KIRREL3: variants seen among roughly 807,000 people sequenced by gnomAD.
KIRREL3 encodes kin of IRRE-like protein 3.
In KIRREL3, 36 loss-of-function variants were observed where a neutral mutation model predicts 89.7. That is an observed-to-expected ratio of 0.40 (90% confidence interval 0.31 to 0.53). The LOEUF is 0.53. Ranked by LOEUF, KIRREL3 falls within the 20% of genes least tolerant of loss-of-function variation. The pLI is 0.49. For synonymous variants in KIRREL3, 445 were observed against 441.4 expected (o/e 1.01, Z -0.10); for missense variants, 864 against 1,056.6 (o/e 0.82, Z 2.53).
chr11:126,892,248 G>A lies in KIRREL3; in HGVS notation c.55+108207C>T, dbSNP rs1945952654. On this transcript the variant is annotated intron_variant, in intron 1 of 16. Transcript: ENST00000525144. This position sits in a 1 kb window ranked among gnomAD's most constrained non-coding sequence, Gnocchi z 5.4. ...CCATGCCTGAGGGTGGTCCCTGCCT[G>A]CTCTGTTTTCTTCATCCCCTTCGTA... Among the ~76,000 whole-genome samples, 1 of 152,168 alleles carries A rather than the reference G, an allele frequency of 6.6e-6. No homozygotes were observed. The highest frequency in any genetic ancestry group is 6.5e-5 in the Admixed American group (1 of 15,288).
rs573994325 is a variant in KIRREL3 at position 126,739,466 on chromosome 11, T to C, written c.56-176554A>G. 5.3e-5 allele frequency among the ~76,000 whole-genome samples: 8 copies of C among 152,358 alleles called. No individual in the cohort carries two copies. The South Asian group carries it at 1.2e-3, about 24-fold the overall frequency. On this transcript the variant is annotated intron_variant, in intron 1 of 16. Coordinates refer to ENST00000525144, the MANE Select transcript of KIRREL3 (RefSeq NM_032531.4). The surrounding 1 kb of genome is among the most constrained non-coding windows in gnomAD (Gnocchi z 5.5). ...AACAGCTCTTGAGTAGTATTTGCTC[T>C]GTCAGTCAGTGTGCCAGGTGCAGGT...
chr11:126,662,601 T>C (rs916669313), intron 1 of KIRREL3, among the ~76,000 whole-genome samples: 3 of 152,196 alleles, frequency 2.0e-5, no homozygotes, highest in African/African-American at 7.2e-5. Flanking sequence ...CATAAGGGCA[T>C]TAATCCCATT....
intron 1 of KIRREL3, among the ~76,000 whole-genome samples, chr11:126,963,091 G>A (rs138180661): frequency 2.0e-3 from 303 of 152,206 alleles, no homozygotes; most frequent in Non-Finnish European, 3.4e-3. Flanking sequence ...CAGTAATCTG[G>A]AACCAAACTT....
At chr11:126,473,546 G>A (rs1246894432) in intron 4 of KIRREL3, 80 bp from the exon 5 acceptor site, 4 of 1,239,240 alleles carry the variant, frequency 3.2e-6, no homozygotes, top group Non-Finnish European at 4.4e-6. Flanking sequence ...GGATTTTGTG[G>A]AGATGGCAAC....
In KIRREL3 at chr11:126,606,520, C is replaced by G. The variant is rs994417186; in HGVS notation, c.56-43608G>C. Among the ~76,000 whole-genome samples, 1 of 152,136 alleles carries G rather than the reference C, an allele frequency of 6.6e-6. No individual in the cohort carries two copies. The highest frequency in any genetic ancestry group is 2.4e-5 in the African/African-American group (1 of 41,418). On this transcript the variant is annotated intron_variant, in intron 1 of 16. Transcript: ENST00000525144. This position sits in a 1 kb window ranked among gnomAD's most constrained non-coding sequence, Gnocchi z 4.6. Reference sequence around the variant, plus strand: ...GCCATGGGGGAGGGAAGTCCGGGCTCTCTGGGAACTGCCTTCCACATTTCC... The same window carrying G: ...GCCATGGGGGAGGGAAGTCCGGGCTGTCTGGGAACTGCCTTCCACATTTCC...
chr11:126,663,047 C>T (rs1268262161), intron 1 of KIRREL3, among the ~76,000 whole-genome samples: 1 of 151,458 alleles, frequency 6.6e-6, no homozygotes, highest in African/African-American at 2.4e-5. Flanking sequence ...GTCAGTGATA[C>T]TGCCCGATCT....
chr11:126,478,376 A>G (rs1177160963), intron 4 of KIRREL3, among the ~76,000 whole-genome samples: 2 of 152,092 alleles, frequency 1.3e-5, no homozygotes, highest in Non-Finnish European at 2.9e-5. Context: ...TGTATCACAC[A>G]GTAGGCGCTA....
At chr11:126,925,251 G>A (rs561133911) in intron 1 of KIRREL3, among the ~76,000 whole-genome samples, 9 of 152,294 alleles carry the variant, frequency 5.9e-5, no homozygotes, top group African/African-American at 2.2e-4. Flanking sequence ...TGTTGGTGCC[G>A]TGGGATCTAA....
intron 1 of KIRREL3, among the ~76,000 whole-genome samples, chr11:126,827,411 C>T (rs1032137725): frequency 2.0e-5 from 3 of 152,002 alleles, no homozygotes; most frequent in East Asian, 1.9e-4. Context: ...CTCCTGACCT[C>T]GTGATTCATC....
intron 1 of KIRREL3, among the ~76,000 whole-genome samples, chr11:126,932,077 G>A (rs1005350850): frequency 2.6e-5 from 4 of 152,190 alleles, no homozygotes; most frequent in Admixed American, 2.0e-4. Context: ...TTTTGTGGCT[G>A]AAGCCTGGTG....
In KIRREL3 at chr11:126,510,423, TCC is replaced by T. The variant is rs1198711649; in HGVS notation, c.433+10890_433+10891del. On this transcript the variant is annotated intron_variant, in intron 4 of 16. Transcript: ENST00000525144. ...AAGAAATGTCCTCCCTGACGTTGTT[TCC>T]TTCCTTCCTTCCTTCCTTCCTTCCT... is the stretch of plus-strand genomic sequence containing the variant. Among the ~76,000 whole-genome samples, 18 of 47,640 alleles carry T rather than the reference TCC, an allele frequency of 3.8e-4. No homozygotes were observed. The East Asian group carries it at 0.027, about 71-fold the overall frequency. 31.3% of individuals were successfully genotyped at this position (47,640 alleles called of 152,430 possible). A position where few individuals can be genotyped will look rare whatever the true frequency, so the allele number is the denominator to read the frequency against.
chr11:126,685,292 G>C lies in KIRREL3; in HGVS notation c.56-122380C>G, dbSNP rs537628378. 2.9e-4 allele frequency among the ~76,000 whole-genome samples: 44 copies of C among 152,258 alleles called. No individual in the cohort carries two copies. Among genetic ancestry groups the C allele is most frequent in the African/African-American group, 1.1e-3 (44 of 41,544 alleles). On this transcript the variant is annotated intron_variant, in intron 1 of 16. Transcript: ENST00000525144. The surrounding 1 kb of genome is among the most constrained non-coding windows in gnomAD (Gnocchi z 5.5). ...ACACACAATTGAGCAACAAAACATA[G>C]TCACACAGGGCCTGCCTCACACCCA...
Position 126,636,382 on chromosome 11 carries a change from T to C in KIRREL3, c.56-73470A>G, listed in dbSNP as rs1472239371. 3.9e-5 allele frequency among the ~76,000 whole-genome samples: 6 copies of C among 152,350 alleles called. No individual in the cohort carries two copies. The East Asian group carries it at 1.2e-3, about 29-fold the overall frequency. On this transcript the variant is annotated intron_variant, in intron 1 of 16. Transcript: ENST00000525144. This position sits in a 1 kb window ranked among gnomAD's most constrained non-coding sequence, Gnocchi z 4.4. Reference sequence around the variant, plus strand: ...AGCATCTGCCGTTTAACAGATGCCCTGTAAGTGAGTGCCTTCCTCTTTCTC... The same window carrying C: ...AGCATCTGCCGTTTAACAGATGCCCCGTAAGTGAGTGCCTTCCTCTTTCTC...
At position 126,430,817 on chromosome 11, in the gene KIRREL3, G is replaced by T; in HGVS notation, c.1696+602C>A. 8.3e-6 allele frequency: 2 copies of T among 240,586 alleles called. No homozygotes were observed. Among genetic ancestry groups the T allele is most frequent in the Non-Finnish European group, 1.4e-5 (2 of 147,922 alleles). The allele number at this position is 240,586 out of a possible 1,614,324, so 14.9% of individuals were successfully genotyped here. ...GCAGAAGAGGTGGGACTGGAACACT[G>T]TGTCTCCATTGTCTTCACCTGTTCT... On this transcript the variant is annotated intron_variant, in intron 14 of 16. Transcript: ENST00000525144. This position sits in a 1 kb window ranked among gnomAD's most constrained non-coding sequence, Gnocchi z 6.6.
At position 126,587,695 on chromosome 11, in the gene KIRREL3, CTGAA is replaced by C. The variant is rs1358657057; in HGVS notation, c.56-24787_56-24784del. On this transcript the variant is annotated intron_variant, in intron 1 of 16. Coordinates refer to ENST00000525144, the MANE Select transcript of KIRREL3 (RefSeq NM_032531.4). This position sits in a 1 kb window ranked among gnomAD's most constrained non-coding sequence, Gnocchi z 5.2. ...ATATTCATTTAACATATTTCTGTCTCTGAATGGCTTTTACTTTTCACTAAATTGA... is the reference window on the plus strand; with the variant it reads ...ATATTCATTTAACATATTTCTGTCTCTGGCTTTTACTTTTCACTAAATTGA... Among the ~76,000 whole-genome samples, 1 of 152,184 alleles carries C rather than the reference CTGAA, an allele frequency of 6.6e-6. No homozygotes were observed. The highest frequency in any genetic ancestry group is 2.4e-5 in the African/African-American group (1 of 41,440).
At chr11:126,712,039 C>A (rs781018998) in intron 1 of KIRREL3, among the ~76,000 whole-genome samples, 1 of 152,212 alleles carries the variant, frequency 6.6e-6, no homozygotes, top group South Asian at 2.1e-4. Context: ...GGCCTTCTGC[C>A]GTCAGCCAGC....
At chr11:126,800,079 G>A (rs866597844) in intron 1 of KIRREL3, among the ~76,000 whole-genome samples, 2 of 152,186 alleles carry the variant, frequency 1.3e-5, no homozygotes, top group Non-Finnish European at 2.9e-5. Flanking sequence ...ACTGTTGCAG[G>A]CCACCTCTAA....
At position 126,783,347 on chromosome 11, in the gene KIRREL3, G is replaced by A. The variant is rs1464119579; in HGVS notation, c.55+217108C>T. On this transcript the variant is annotated intron_variant, in intron 1 of 16. Transcript: ENST00000525144. The surrounding 1 kb of genome is among the most constrained non-coding windows in gnomAD (Gnocchi z 4.3). Reference sequence around the variant, plus strand: ...CACTCACTGGTCACATTGGATTAAGGGCTTACCTTACTCCAGTATGACTTC... The same window carrying A: ...CACTCACTGGTCACATTGGATTAAGAGCTTACCTTACTCCAGTATGACTTC... 6.6e-6 allele frequency among the ~76,000 whole-genome samples: 1 copy of A among 152,014 alleles called. No homozygotes were observed. The highest frequency in any genetic ancestry group is 1.9e-4 in the East Asian group (1 of 5,182).
At chr11:126,717,160 C>T (rs1947997190) in intron 1 of KIRREL3, among the ~76,000 whole-genome samples, 1 of 152,196 alleles carries the variant, frequency 6.6e-6, no homozygotes, top group African/African-American at 2.4e-5. Flanking sequence ...TGGTCCTTAC[C>T]TTCAAGGCTG....
Sources: gnomAD v4.1 joint callset for allele counts (sites outside exome capture counted in the v4.1 genomes callset) on GRCh38, gnomAD v4.1.1 for gene constraint, Gnocchi (gnomAD v3.1) non-coding constraint, MANE v1.5 for transcripts, NCBI Gene and HGNC (gene_info 2026-07-23, HGNC 2026-07-21) for gene names.